The following GSE1 variants were observed in gnomAD, a reference collection of about 807,000 sequenced individuals.
The protein encoded by GSE1 is genetic suppressor element 1.
A neutral mutation model predicts 112.6 loss-of-function variants in GSE1; 32 were observed. That is an observed-to-expected ratio of 0.28 (90% confidence interval 0.21 to 0.38). GSE1 has a LOEUF of 0.38. Among genes scored for constraint, GSE1 ranks in the 10% least tolerant of loss-of-function variants. The pLI is 1.00. For missense variants in GSE1, 2,348 were observed against 1,699.2 expected, an observed-to-expected ratio of 1.38 and a Z score of -6.71; for synonymous variants, 1,115 against 735.6, an observed-to-expected ratio of 1.52 and a Z score of -8.35.
chr16:85,613,827 A>G (rs1425552173), intron 1 of GSE1, among the ~76,000 whole-genome samples: 4 of 89,364 alleles, frequency 4.5e-5, no homozygotes, highest in Non-Finnish European at 6.3e-5. Context: ...CCCCCGCGGC[A>G]GGTGCTGGCG....
At chr16:85,508,004 G>A (rs777763902) in intron 2 of GSE1, among the ~76,000 whole-genome samples, 7 of 152,086 alleles carry the variant, frequency 4.6e-5, no homozygotes, top group Admixed American at 3.3e-4. Flanking sequence ...CCCTGCCGAG[G>A]TGGCCAGTGC....
In GSE1 at chr16:85,557,921, A is replaced by G. The variant is rs567668627; in HGVS notation, c.37+1558A>G. On this transcript the variant is annotated intron_variant, in intron 1 of 2. Coordinates refer to the GSE1 transcript ENST00000635906. ...TGGTGTGTATGCCGTTTTGATAGGA[A>G]GAATATTGAATATTTTCCAGCGTTT... Among the ~76,000 whole-genome samples, 5 of 151,768 alleles carry G rather than the reference A, an allele frequency of 3.3e-5. No homozygotes were observed. The South Asian group carries it at 1.0e-3, about 32-fold the overall frequency.
intron 2 of GSE1, among the ~76,000 whole-genome samples, chr16:85,517,485 G>T (rs1206373491): frequency 6.6e-6 from 1 of 152,180 alleles, no homozygotes; most frequent in African/African-American, 2.4e-5. Context: ...TGAAGACACT[G>T]GGGCCTCAGC....
intron 1 of GSE1, among the ~76,000 whole-genome samples, chr16:85,565,072 A>C (rs1404106006): frequency 6.6e-6 from 1 of 152,042 alleles, no homozygotes; most frequent in Non-Finnish European, 1.5e-5. Flanking sequence ...TTCTGTTGTC[A>C]GTGAGTGGGA....
intron 1 of GSE1, among the ~76,000 whole-genome samples, chr16:85,354,229 G>C (rs1391195991): frequency 3.3e-5 from 5 of 152,144 alleles, no homozygotes; most frequent in African/African-American, 9.7e-5. Context: ...CTGAAAAGCT[G>C]TGTCCCCCAG....
intron 1 of GSE1, among the ~76,000 whole-genome samples, chr16:85,618,153 G>A (rs1025320548): frequency 3.3e-5 from 5 of 152,112 alleles, no homozygotes; most frequent in Admixed American, 2.6e-4. Context: ...AGGACTTGAC[G>A]TGTCTGAGGA....
chr16:85,671,965 G>T (rs2053380334), intron 15 of GSE1: 1 of 174,074 alleles, frequency 5.7e-6, no homozygotes. Flanking sequence ...TAAGACTCTG[G>T]AAGAGCCAGG....
At chr16:85,499,295 CTTTTTTTTTTTTTTTTTTT>C (rs568776401) in intron 2 of GSE1, among the ~76,000 whole-genome samples, 1 of 77,162 alleles carries the variant, frequency 1.3e-5, no homozygotes, top group South Asian at 4.8e-4. Context: ...GGAAAGTCAC[CTTTTTTTTTTTTTTTTTTT>C]TTTTTTTTTT....
chr16:85,346,586 ATGG>A (rs1421174766), intron 1 of GSE1, among the ~76,000 whole-genome samples: 7 of 140,396 alleles, frequency 5.0e-5, no homozygotes, highest in Admixed American at 1.4e-4. Flanking sequence ...GAGTGGAGTG[ATGG>A]TGGGCAGATG....
intron 1 of GSE1, among the ~76,000 whole-genome samples, chr16:85,269,787 C>G (rs951108326): frequency 4.0e-5 from 6 of 149,178 alleles, no homozygotes; most frequent in African/African-American, 1.2e-4. Flanking sequence ...CTCTGGGCTC[C>G]TCCCCTGGGG....
chr16:85,527,615 G>A (rs2151173265), intron 2 of GSE1, among the ~76,000 whole-genome samples: 1 of 152,390 alleles, frequency 6.6e-6, no homozygotes, highest in South Asian at 2.1e-4. Flanking sequence ...ATGGGTGAAT[G>A]GAGTTCCGGG....
chr16:85,639,998 C>T (rs368933957), intron 2 of GSE1, among the ~76,000 whole-genome samples: 1 of 152,214 alleles, frequency 6.6e-6, no homozygotes, highest in South Asian at 2.1e-4. Context: ...TGCTGCGGGC[C>T]TTTGCTCTGG....
chr16:85,603,938 T>C (rs1598346506), intron 1 of GSE1, among the ~76,000 whole-genome samples: 3 of 152,358 alleles, frequency 2.0e-5, no homozygotes, highest in Middle Eastern at 3.4e-3. Flanking sequence ...CAAATCATTT[T>C]CTTTTTTTCT....
intron 8 of GSE1, among the ~76,000 whole-genome samples, chr16:85,660,104 T>C (rs2052307328): frequency 6.6e-6 from 1 of 152,168 alleles, no homozygotes; most frequent in Admixed American, 6.5e-5. Flanking sequence ...GTGTCATGTG[T>C]CCCTACAAGG....
intron 1 of GSE1, among the ~76,000 whole-genome samples, chr16:85,298,846 C>T (rs531970115): frequency 6.6e-6 from 1 of 152,334 alleles, no homozygotes; most frequent in South Asian, 2.1e-4. Context: ...TGGGCTAGAA[C>T]TTTCGGGAGT....
chr16:85,514,661 G>T (rs2051866982), intron 2 of GSE1, among the ~76,000 whole-genome samples: 1 of 152,184 alleles, frequency 6.6e-6, no homozygotes, highest in Non-Finnish European at 1.5e-5. Context: ...CCTGGGAAGG[G>T]CCTCTATTGC....
chr16:85,491,486 C>T (rs1035771300), intron 2 of GSE1, among the ~76,000 whole-genome samples: 1 of 152,112 alleles, frequency 6.6e-6, no homozygotes, highest in Non-Finnish European at 1.5e-5. Flanking sequence ...TGATATGTGC[C>T]AGATGACTTG....
chr16:85,653,048 G>T (rs960021972), intron 3 of GSE1, among the ~76,000 whole-genome samples: 1 of 151,060 alleles, frequency 6.6e-6, no homozygotes, highest in South Asian at 2.1e-4. Flanking sequence ...GGTCAGGGTA[G>T]GCCTGGGCAG....
chr16:85,268,878 G>A (rs1908536137), intron 1 of GSE1, among the ~76,000 whole-genome samples: 1 of 151,602 alleles, frequency 6.6e-6, no homozygotes, highest in East Asian at 1.9e-4. Flanking sequence ...CACAGGCCCT[G>A]AAGGATGGGA....
Sources: allele counts gnomAD v4.1 joint callset (sites outside exome capture counted in the v4.1 genomes callset), GRCh38; gene constraint gnomAD v4.1.1; transcripts MANE v1.5; gene names NCBI Gene and HGNC (gene_info 2026-07-23, HGNC 2026-07-21).